Variants in RBMS3 observed in about 807,000 individuals in gnomAD.
RBMS3 encodes the protein RNA binding motif single stranded interacting protein 3.
RBMS3 carries 27 observed loss-of-function variants against 66.8 expected under a neutral mutation model. The observed-to-expected ratio is 0.40, with a 90% confidence interval of 0.30 to 0.56. RBMS3 has a LOEUF of 0.56. Among genes scored for constraint, RBMS3 ranks in the 20% least tolerant of loss-of-function variants. The probability of loss-of-function intolerance (pLI) is 0.40; values close to 1 mark genes in which losing one functional copy is unlikely to be tolerated. For missense variants in RBMS3, 513 were observed against 549.5 expected (o/e 0.93, Z 0.66); for synonymous variants, 188 against 183.0 (o/e 1.03, Z -0.22).
chr3:29,578,826 G>T (rs1028392810), intron 3 of RBMS3, among the ~76,000 whole-genome samples: 1 of 89,500 alleles, frequency 1.1e-5, no homozygotes, highest in African/African-American at 6.1e-5. Flanking sequence ...ACGGAGTCTC[G>T]CTCTGTCGCC....
intron 1 of RBMS3, among the ~76,000 whole-genome samples, chr3:29,369,360 A>G (rs932627532): frequency 3.3e-5 from 5 of 151,974 alleles, no homozygotes; most frequent in Non-Finnish European, 5.9e-5. Context: ...GTGCAAAAGC[A>G]ATTGTGTTTT....
At chr3:29,655,945 CAAA>C (rs57111170) in intron 4 of RBMS3, among the ~76,000 whole-genome samples, 37 of 140,518 alleles carry the variant, frequency 2.6e-4, no homozygotes, top group African/African-American at 8.8e-4. Flanking sequence ...GCTTAAAAAG[CAAA>C]AAAAAAAAAA....
chr3:29,750,288 A>G (rs1347185379), intron 5 of RBMS3, among the ~76,000 whole-genome samples: 1 of 152,160 alleles, frequency 6.6e-6, no homozygotes, highest in Non-Finnish European at 1.5e-5. Context: ...GAATTTTTTG[A>G]AGAATGGACT....
At chr3:29,730,317 G>A (rs2054077208) in intron 4 of RBMS3, among the ~76,000 whole-genome samples, 1 of 104,086 alleles carries the variant, frequency 9.6e-6, no homozygotes, top group Non-Finnish European at 1.8e-5. Context: ...GCGGGGGGCG[G>A]GGATGTCAGT....
intron 6 of RBMS3, among the ~76,000 whole-genome samples, chr3:29,857,771 G>A (rs35714811): frequency 0.22 from 32,840 of 152,000 alleles, 4,592 homozygotes; most frequent in Non-Finnish European, 0.31. Context: ...TCAATCAGAC[G>A]AGATCGGGCG....
chr3:29,740,200 A>G (rs991342278), intron 5 of RBMS3, among the ~76,000 whole-genome samples: 3 of 152,158 alleles, frequency 2.0e-5, no homozygotes, highest in African/African-American at 7.2e-5. Flanking sequence ...TGACAGAGAC[A>G]ATAAATGCCC....
At chr3:29,542,663 T>C (rs1206904356) in intron 3 of RBMS3, among the ~76,000 whole-genome samples, 1 of 152,094 alleles carries the variant, frequency 6.6e-6, no homozygotes, top group African/African-American at 2.4e-5. Flanking sequence ...GCCCAGCCCA[T>C]CCCCAATTTT....
intron 2 of RBMS3, among the ~76,000 whole-genome samples, chr3:29,456,693 A>C (rs1053883137): frequency 1.3e-5 from 2 of 151,902 alleles, no homozygotes; most frequent in Non-Finnish European, 2.9e-5. Context: ...TTATTCAAAA[A>C]TATTTGCCTA....
intron 10 of RBMS3, among the ~76,000 whole-genome samples, chr3:29,908,228 G>T (rs974246900): frequency 2.0e-5 from 3 of 151,424 alleles, no homozygotes; most frequent in African/African-American, 7.3e-5. Context: ...TCCAGCCTGA[G>T]CAACAAAACA....
chr3:29,511,055 T>C (rs961813259), intron 3 of RBMS3, among the ~76,000 whole-genome samples: 1 of 152,174 alleles, frequency 6.6e-6, no homozygotes, highest in African/African-American at 2.4e-5. Flanking sequence ...TCCCAACACT[T>C]TGGGAGGCCA....
intron 4 of RBMS3, among the ~76,000 whole-genome samples, chr3:29,618,249 C>T (rs776070865): frequency 1.4e-4 from 21 of 152,096 alleles, no homozygotes; most frequent in Non-Finnish European, 2.5e-4. Context: ...AATCCTAGCA[C>T]TTTGGGAGGC....
intron 4 of RBMS3, among the ~76,000 whole-genome samples, chr3:29,639,208 G>A (rs1389958144): frequency 2.0e-5 from 3 of 151,702 alleles, no homozygotes; most frequent in African/African-American, 7.3e-5. Flanking sequence ...AAAGTTTCCA[G>A]AAATTAATAG....
chr3:29,657,271 G>A (rs2050358429), intron 4 of RBMS3, among the ~76,000 whole-genome samples: 1 of 152,226 alleles, frequency 6.6e-6, no homozygotes, highest in Admixed American at 6.5e-5. Context: ...AGATGCTGGA[G>A]ATGGAATTTG....
chr3:29,803,232 T>C (rs1395618010), intron 6 of RBMS3, among the ~76,000 whole-genome samples: 2 of 152,164 alleles, frequency 1.3e-5, no homozygotes, highest in Non-Finnish European at 1.5e-5. Context: ...TGCCACTTTC[T>C]TAGGGACTTC....
chr3:29,922,359 C>T (rs549454517), intron 10 of RBMS3, among the ~76,000 whole-genome samples: 3 of 151,420 alleles, frequency 2.0e-5, no homozygotes, highest in East Asian at 3.9e-4. Flanking sequence ...CGGTGGCGGG[C>T]GCCTGTAGTC....
At chr3:29,735,178 G>T (rs763468892) in intron 4 of RBMS3, among the ~76,000 whole-genome samples, 39 of 152,200 alleles carry the variant, frequency 2.6e-4, no homozygotes, top group Non-Finnish European at 2.1e-4. Context: ...GTATTCATTT[G>T]CTTAGCCACC....
At chr3:29,453,798 G>T (rs1258577141) in intron 2 of RBMS3, among the ~76,000 whole-genome samples, 2 of 152,178 alleles carry the variant, frequency 1.3e-5, no homozygotes, top group Non-Finnish European at 2.9e-5. Flanking sequence ...GGCATTCCAC[G>T]CTAGCCAGGG....
intron 1 of RBMS3, among the ~76,000 whole-genome samples, chr3:29,355,829 T>C (rs933283973): frequency 2.0e-5 from 3 of 152,106 alleles, no homozygotes; most frequent in Non-Finnish European, 4.4e-5. Flanking sequence ...ACAAATCTTA[T>C]GTTTCTGGTT....
At chr3:29,874,896 A>C (rs1362327673) in intron 7 of RBMS3, among the ~76,000 whole-genome samples, 1 of 152,170 alleles carries the variant, frequency 6.6e-6, no homozygotes, top group Non-Finnish European at 1.5e-5. Context: ...GTACTAGTGT[A>C]AGTTTGGATT....
Sources: allele counts gnomAD v4.1 joint callset (sites outside exome capture counted in the v4.1 genomes callset), GRCh38; gene constraint gnomAD v4.1.1; transcripts MANE v1.5; gene names NCBI Gene and HGNC (gene_info 2026-07-23, HGNC 2026-07-21).